COL12A1: variants seen among roughly 807,000 people sequenced by gnomAD.
COL12A1 encodes the protein collagen type XII alpha 1 chain.
A neutral mutation model predicts 349.7 loss-of-function variants in COL12A1; 114 were observed. That is an observed-to-expected ratio of 0.33 (90% CI 0.28 to 0.38). COL12A1 has a LOEUF of 0.38. Ranked by LOEUF, COL12A1 falls within the 10% of genes least tolerant of loss-of-function variation. The pLI is 1.00. For synonymous variants in COL12A1, 1,369 were observed against 1,329.0 expected, an observed-to-expected ratio of 1.03 and a Z score of -0.66; for missense variants, 3,284 against 3,756.9, an observed-to-expected ratio of 0.87 and a Z score of 3.29.
intron 26 of COL12A1, 141 bp from the exon 27 acceptor site, chr6:75,142,302 C>A: frequency 2.1e-6 from 2 of 951,862 alleles, no homozygotes; most frequent in Non-Finnish European, 1.5e-6. Context: ...ACATGAGAAT[C>A]CAGAAACTGG....
At position 75,085,505 on chromosome 6, in the gene COL12A1, A is replaced by G; in HGVS notation, c.*1042T>C. 2 of 309,944 alleles carry G rather than the reference A, an allele frequency of 6.5e-6. No individual in the cohort carries two copies. The highest frequency in any genetic ancestry group is 1.4e-5 in the Non-Finnish European group (2 of 146,236). 19.2% of individuals were successfully genotyped at this position (309,944 alleles called of 1,614,324 possible). On this transcript the variant is annotated 3_prime_UTR_variant, in exon 66 of 66. Coordinates refer to ENST00000322507, the MANE Select transcript of COL12A1 (RefSeq NM_004370.6). ...ATAAATAGATAAGTTACAATGTCCC[A>G]ATTATTTCCAGATAATTTGGTGATA... is the stretch of plus-strand genomic sequence containing the variant.
At position 75,189,370 on chromosome 6, in the gene COL12A1, CAA is replaced by C; in HGVS notation, c.668_669del (p.Ile223ArgfsTer5). The C allele has an allele frequency of 6.2e-7, 1 of 1,612,532 alleles. No individual in the cohort carries two copies. Among genetic ancestry groups the C allele is most frequent in the Non-Finnish European group, 8.5e-7 (1 of 1,179,294 alleles). On this transcript the variant is annotated frameshift_variant, in exon 7 of 66. Coordinates refer to ENST00000322507, the MANE Select transcript of COL12A1 (RefSeq NM_004370.6). LOFTEE classifies it high-confidence loss of function. ...GTGAAAGTATTTTTAACTAAATAAT[CAA>C]TGGCATCCCCTAAAGGGAAAAGAAA... is the stretch of plus-strand genomic sequence containing the variant. The part of the protein sequence containing the change: ...KGGNTMTGDA[I>X]DYLVKNTFTE...
At chr6:75,180,159 G>T (rs1200964058) in intron 11 of COL12A1, among the ~76,000 whole-genome samples, 4 of 152,144 alleles carry the variant, frequency 2.6e-5, no homozygotes, top group African/African-American at 4.8e-5. Context: ...ACATACAGTG[G>T]AATATTATTC....
rs183003716 is a variant in COL12A1 at position 75,167,957 on chromosome 6, A to G, written c.2711-2178T>C. Among the ~76,000 whole-genome samples the G allele has an allele frequency of 5.1e-3, 775 of 152,352 alleles. 5 individuals carry two copies. The highest frequency in any genetic ancestry group is 0.018 in the African/African-American group (737 of 41,582). On this transcript the variant is annotated intron_variant, in intron 13 of 65. Transcript: ENST00000322507. ...CTCTAATTAATGGCATGACAACACTATTTTGAGTGAACACTGAGTAAGTTC... is the reference window on the plus strand; with the variant it reads ...CTCTAATTAATGGCATGACAACACTGTTTTGAGTGAACACTGAGTAAGTTC...
At chr6:75,142,905 C>T (rs186432205) in intron 26 of COL12A1, among the ~76,000 whole-genome samples, 46 of 152,224 alleles carry the variant, frequency 3.0e-4, no homozygotes, top group Non-Finnish European at 6.0e-4. Context: ...CCTCTTGCTA[C>T]CTTTTATTTT....
At chr6:75,184,307 T>C (rs1769492910) in intron 8 of COL12A1, among the ~76,000 whole-genome samples, 163 bp from the exon 9 acceptor site, 1 of 152,200 alleles carries the variant, frequency 6.6e-6, no homozygotes. Flanking sequence ...CATGTCCCTA[T>C]CAAACCAAAA....
At chr6:75,173,595 G>A (rs1252581625) in intron 13 of COL12A1, among the ~76,000 whole-genome samples, 6 of 152,112 alleles carry the variant, frequency 3.9e-5, no homozygotes, top group Non-Finnish European at 8.8e-5. Flanking sequence ...GGCTGATCTC[G>A]AATTCCTGAC....
At chr6:75,122,768 T>A (rs1765809924) in intron 43 of COL12A1, among the ~76,000 whole-genome samples, 1 of 152,236 alleles carries the variant, frequency 6.6e-6, no homozygotes, top group Admixed American at 6.5e-5. Flanking sequence ...GTTATTTAAC[T>A]AAATTTAATT....
chr6:75,149,980 A>G (rs1399587221), intron 21 of COL12A1, among the ~76,000 whole-genome samples: 2 of 152,162 alleles, frequency 1.3e-5, no homozygotes, highest in African/African-American at 4.8e-5. Flanking sequence ...TCCAGGGAAA[A>G]GGTCAATCTG....
intron 13 of COL12A1, among the ~76,000 whole-genome samples, chr6:75,170,021 C>T (rs1053965313): frequency 2.6e-5 from 4 of 152,152 alleles, no homozygotes; most frequent in African/African-American, 9.7e-5. Flanking sequence ...ATCTGAACAT[C>T]CTGAAGGGAT....
chr6:75,174,524 C>CCG lies in COL12A1; in HGVS notation c.2710+513_2710+514insCG, dbSNP rs1301894342. ...TGAGCCGAGATAGCGCCACTGCAGTCCAGCCTGGGCGAAAGAGCGAGACTC... is the reference window on the plus strand; with the variant it reads ...TGAGCCGAGATAGCGCCACTGCAGTCCGCAGCCTGGGCGAAAGAGCGAGACTC... On this transcript the variant is annotated intron_variant, in intron 13 of 65. Coordinates refer to ENST00000322507, the MANE Select transcript of COL12A1 (RefSeq NM_004370.6). 5.9e-5 allele frequency among the ~76,000 whole-genome samples: 9 copies of CCG among 152,192 alleles called. No homozygotes were observed. The East Asian group carries it at 1.2e-3, about 20-fold the overall frequency.
chr6:75,143,909 T>C (rs1026327186), intron 25 of COL12A1, among the ~76,000 whole-genome samples: 1 of 152,160 alleles, frequency 6.6e-6, no homozygotes, highest in African/African-American at 2.4e-5. Flanking sequence ...ATGGTAAATG[T>C]TTACCAAATC....
chr6:75,117,475 T>C lies in COL12A1; in HGVS notation c.7426A>G (p.Ser2476Gly). 6.2e-7 allele frequency: 1 copy of C among 1,613,734 alleles called. No individual in the cohort carries two copies. The highest frequency in any genetic ancestry group is 8.5e-7 in the Non-Finnish European group (1 of 1,179,700). ...NELANIASKP[S>G]ERHVFIVDDF... The stretch of plus-strand genomic sequence containing the variant: ...TCCACAATGAACACGTGCCGTTCAC[T>C]TGGTTTGCTGGCAATGTTGGCAAGC... Residue 2476 changes from serine (S) to glycine (G), a missense_variant, in exon 47 of 66, where the codon AGT becomes GGT. Coordinates refer to ENST00000322507, the MANE Select transcript of COL12A1 (RefSeq NM_004370.6).
At position 75,181,065 on chromosome 6, in the gene COL12A1, G is replaced by C. The variant is rs1562290248; in HGVS notation, c.2038C>G (p.Pro680Ala). ...AGDDEVTVVE[P>A]ASSTSVVLSS... Reference sequence around the variant, plus strand: ...AGAACAACACTGGTGCTCGATGCTGGCTCCACCACAGTGACCTCATCATCC... The same window carrying C: ...AGAACAACACTGGTGCTCGATGCTGCCTCCACCACAGTGACCTCATCATCC... Residue 680 changes from proline (P) to alanine (A), a missense_variant, in exon 11 of 66, where the codon CCA (proline) becomes GCA (alanine). Physicochemically the swap from Pro to Ala is conservative, Grantham distance 27. This residue lies in a region of COL12A1 where 2,601 missense variants were observed against 2,824.8 expected (regional missense o/e 0.92). Coordinates refer to ENST00000322507, the MANE Select transcript of COL12A1 (RefSeq NM_004370.6). 9 of 1,613,940 alleles carry C rather than the reference G, an allele frequency of 5.6e-6. No individual in the cohort carries two copies. In the African/African-American group the frequency reaches 6.7e-5, roughly 12 times the overall value.
chr6:75,113,231 CT>C lies in COL12A1; in HGVS notation c.7922del (p.Lys2641ArgfsTer14). On this transcript the variant is annotated frameshift_variant, in exon 51 of 66. Transcript: ENST00000322507. LOFTEE classifies it high-confidence loss of function. ...QTVTFDTEEV[K>X]TLFYGSFHKV... ...TGTGAAAACTTCCATAAAATAATGTCTTTACTTCTTCTGTGTCAAATGTAAC... is the reference window on the plus strand; with the variant it reads ...TGTGAAAACTTCCATAAAATAATGTCTTACTTCTTCTGTGTCAAATGTAAC... 6.4e-7 allele frequency: 1 copy of C among 1,560,136 alleles called. No individual in the cohort carries two copies. Among genetic ancestry groups the C allele is most frequent in the Non-Finnish European group, 8.7e-7 (1 of 1,155,516 alleles).
At chr6:75,159,723 A>C (rs1000450277) in intron 14 of COL12A1, among the ~76,000 whole-genome samples, 2 of 151,728 alleles carry the variant, frequency 1.3e-5, no homozygotes, top group Non-Finnish European at 2.9e-5. Flanking sequence ...TTTTAAACGA[A>C]TTTCACACAA....
chr6:75,180,946 G>A lies in COL12A1; in HGVS notation c.2157C>T (p.Thr719=), dbSNP rs776302292. ...GCAGAAACCCCATCACACCTTCTTC[G>A]GTGGTCTCCTCTCCAGCTAAGGGAA... is the stretch of plus-strand genomic sequence containing the variant. ...FSIPLAGEET[T]EEVKGAPRNL... The change falls in exon 11 of 66, where the codon ACC becomes ACT. Residue 719 remains threonine, a synonymous_variant. Coordinates refer to ENST00000322507, the MANE Select transcript of COL12A1 (RefSeq NM_004370.6). The A allele has an allele frequency of 1.4e-5, 22 of 1,609,676 alleles. No individual in the cohort carries two copies. The highest frequency in any genetic ancestry group is 4.0e-5 in the African/African-American group (3 of 74,706).
intron 12 of COL12A1, among the ~76,000 whole-genome samples, chr6:75,175,746 C>T (rs186532011): frequency 1.1e-4 from 16 of 151,882 alleles, no homozygotes; most frequent in Middle Eastern, 3.4e-3. Flanking sequence ...GTAACAGGAG[C>T]GAATTCTGAT....
At position 75,156,678 on chromosome 6, in the gene COL12A1, G is replaced by A. The variant is rs530840527; in HGVS notation, c.2984-155C>T. ...TAATCTCTCATAAATTCATGATGGC[G>A]TGTGAGCCTAATCTCATCAAGATCT... is the stretch of plus-strand genomic sequence containing the variant. On this transcript the variant is annotated intron_variant, in intron 14 of 65. Transcript: ENST00000322507. 3.9e-5 allele frequency among the ~76,000 whole-genome samples: 6 copies of A among 152,098 alleles called. No individual in the cohort carries two copies. The East Asian group carries it at 1.2e-3, about 29-fold the overall frequency.
Sources: gnomAD v4.1 joint callset for allele counts (sites outside exome capture counted in the v4.1 genomes callset) on GRCh38, gnomAD v4.1.1 for gene constraint, gnomAD v4.1.1 regional missense constraint, MANE v1.5 for transcripts, NCBI Gene and HGNC (gene_info 2026-07-23, HGNC 2026-07-21) for gene names.